Variants in CERS1 observed in about 807,000 individuals in gnomAD.
CERS1 encodes the protein Embryonic growth/differentiation factor 1.
Under a neutral mutation model 35.7 loss-of-function variants are expected in CERS1, and 16 were observed. The ratio of observed to expected loss-of-function variants is 0.45; its 90% confidence interval spans 0.30 to 0.68. CERS1 has a LOEUF of 0.68. CERS1 is among the 30% of genes least tolerant of loss of function. The pLI, the probability that CERS1 is intolerant of heterozygous loss-of-function variation, is 0.08. For synonymous variants in CERS1, 243 were observed against 201.6 expected, an observed-to-expected ratio of 1.21 and a Z score of -1.74; for missense variants, 454 against 453.9, an observed-to-expected ratio of 1.00 and a Z score of 0.00.
Position 18,895,749 on chromosome 19 carries a change from C to T in CERS1, c.249+75G>A. The T allele has an allele frequency of 1.2e-6, 1 of 826,854 alleles. No individual in the cohort carries two copies. The highest frequency in any genetic ancestry group is 1.6e-6 in the Non-Finnish European group (1 of 641,670). 51.2% of individuals were successfully genotyped at this position (826,854 alleles called of 1,614,324 possible). ...GCCAGCGCTGGAAGAAAGGAACGCG[C>T]CGGCGGCCCCAGGTCCCCGGTCCCG... On this transcript the variant is annotated intron_variant, in intron 1 of 7. Transcript: ENST00000623882. The surrounding 1 kb of genome is among the most constrained non-coding windows in gnomAD (Gnocchi z 6.4).
At chr19:18,869,855 T>C in intron 7 of CERS1, 128 bp downstream of exon 7, 1 of 883,372 alleles carries the variant, frequency 1.1e-6, no homozygotes. Flanking sequence ...GTGGCCGAAG[T>C]TGCTAGTAGC....
chr19:18,882,756 G>C (rs1242258066), intron 3 of CERS1, among the ~76,000 whole-genome samples: 2 of 151,986 alleles, frequency 1.3e-5, no homozygotes, highest in African/African-American at 4.8e-5. Context: ...GCAGTGGCAT[G>C]ATCTCGGCTC....
In CERS1 at chr19:18,868,746, T is replaced by TGA. The variant is rs1160863716; in HGVS notation, c.*1237_*1238dup. ...GCGGCTCCCGGGGCGGCCGCGTGCA[T>TGA]GAGCGCGCGCAGCACAGCGTGGTTG... is the stretch of plus-strand genomic sequence containing the variant. On this transcript the variant is annotated 3_prime_UTR_variant, in exon 8 of 8. Coordinates refer to ENST00000623882, the MANE Select transcript of CERS1 (RefSeq NM_021267.5). 3.9e-6 allele frequency: 6 copies of TGA among 1,523,558 alleles called. No homozygotes were observed. In the South Asian group the frequency reaches 7.2e-5, roughly 18 times the overall value. 94.4% of individuals were successfully genotyped at this position (1,523,558 alleles called of 1,614,324 possible).
chr19:18,874,486 T>TGCAGGGGCAGTG (rs1212396805), intron 6 of CERS1, among the ~76,000 whole-genome samples: 1 of 152,178 alleles, frequency 6.6e-6, no homozygotes, highest in Non-Finnish European at 1.5e-5. Context: ...TTAGAACTGC[T>TGCAGGGGCAGTG]GCAGGGGCAG....
rs1394561582 is a variant in CERS1 at position 18,868,838 on chromosome 19, G to A, written c.*1147C>T. 1.4e-5 allele frequency: 21 copies of A among 1,452,736 alleles called. No individual in the cohort carries two copies. The highest frequency in any genetic ancestry group is 8.6e-5 in the Admixed American group (4 of 46,640). The allele number at this position is 1,452,736 out of a possible 1,614,324, so 90.0% of individuals were successfully genotyped here. On this transcript the variant is annotated 3_prime_UTR_variant, in exon 8 of 8. Coordinates refer to ENST00000623882, the MANE Select transcript of CERS1 (RefSeq NM_021267.5). Reference sequence around the variant, plus strand: ...CGCGCACTGACCCTGGCAGTAGTTGGCCAGGAAGCCGCGCGGCGCGATGAC... The same window carrying A: ...CGCGCACTGACCCTGGCAGTAGTTGACCAGGAAGCCGCGCGGCGCGATGAC...
At chr19:18,871,013 C>T (rs1359774306) in intron 6 of CERS1, among the ~76,000 whole-genome samples, 1 of 152,174 alleles carries the variant, frequency 6.6e-6, no homozygotes, top group Non-Finnish European at 1.5e-5. Context: ...ACCCACCCCA[C>T]GAAGGCTAGT....
At chr19:18,873,797 C>T (rs543443683) in intron 6 of CERS1, among the ~76,000 whole-genome samples, 14 of 149,250 alleles carry the variant, frequency 9.4e-5, no homozygotes, top group South Asian at 8.5e-4. Flanking sequence ...GCCGAGATCT[C>T]ACCACTGTAC....
intron 2 of CERS1, among the ~76,000 whole-genome samples, chr19:18,888,962 A>G (rs927976954): frequency 1.4e-5 from 2 of 140,046 alleles, no homozygotes; most frequent in Non-Finnish European, 3.0e-5. Context: ...CATGATCTCG[A>G]CTCACTGCAA....
intron 6 of CERS1, among the ~76,000 whole-genome samples, chr19:18,876,770 C>T (rs1380364954): frequency 6.6e-6 from 1 of 152,144 alleles, no homozygotes; most frequent in East Asian, 1.9e-4. Flanking sequence ...CATCCAGCTC[C>T]CCTGACATTA....
At chr19:18,888,830 C>T (rs542391568) in intron 2 of CERS1, among the ~76,000 whole-genome samples, 14 of 149,336 alleles carry the variant, frequency 9.4e-5, no homozygotes, top group African/African-American at 3.4e-4. Context: ...AACTCTGTCT[C>T]AAAAAAACAA....
chr19:18,892,928 C>T (rs965143414), intron 2 of CERS1, among the ~76,000 whole-genome samples: 7 of 151,774 alleles, frequency 4.6e-5, no homozygotes, highest in African/African-American at 1.7e-4. Flanking sequence ...TTTTTCTTTT[C>T]TTTTTTAATA....
rs890182027 is a variant in CERS1, at chr19:18,884,097, A to G, written c.580T>C (p.Tyr194His). 2 of 1,612,722 alleles carry G rather than the reference A, an allele frequency of 1.2e-6. No individual in the cohort carries two copies. The highest frequency in any genetic ancestry group is 2.7e-5 in the African/African-American group (2 of 74,858). ...VVTLILIVSSYAFRYHNVGIL... is the reference protein window; with the variant it reads ...VVTLILIVSSHAFRYHNVGIL... The stretch of plus-strand genomic sequence containing the variant: ...CGATCCTGTCCTTACCGGAAGGCGT[A>G]GGAGGAGACGATGAGGATGAGAGTG... The change falls in exon 3 of 8, where the codon TAC (tyrosine) becomes CAC (histidine). Residue 194 changes from tyrosine (Y) to histidine (H), a missense_variant. Tyr to His is a moderately conservative substitution (Grantham distance 83). Transcript: ENST00000623882.
intron 6 of CERS1, among the ~76,000 whole-genome samples, chr19:18,872,751 G>A (rs1435299403): frequency 2.0e-5 from 3 of 150,580 alleles, no homozygotes. Flanking sequence ...CCTGACCTCA[G>A]GTGATCCACC....
chr19:18,894,350 G>C (rs996993881), intron 1 of CERS1, among the ~76,000 whole-genome samples: 1 of 152,036 alleles, frequency 6.6e-6, no homozygotes, highest in Non-Finnish European at 1.5e-5. Flanking sequence ...CCGGAGCCCA[G>C]AGCACCCAGC....
chr19:18,874,612 G>C (rs900445687), intron 6 of CERS1, among the ~76,000 whole-genome samples: 2 of 152,224 alleles, frequency 1.3e-5, no homozygotes, highest in Non-Finnish European at 2.9e-5. Flanking sequence ...CCCCTGAGAG[G>C]GCAATGGGGA....
chr19:18,871,017 G>A (rs1027062063), intron 6 of CERS1, among the ~76,000 whole-genome samples: 4 of 151,988 alleles, frequency 2.6e-5, no homozygotes, highest in Admixed American at 6.6e-5. Flanking sequence ...ACCCCACGAA[G>A]GCTAGTCCTT....
chr19:18,889,083 G>A (rs1380975385), intron 2 of CERS1, among the ~76,000 whole-genome samples: 1 of 151,540 alleles, frequency 6.6e-6, no homozygotes, highest in Non-Finnish European at 1.5e-5. Flanking sequence ...GTAGAGACAG[G>A]GTTTCACCAT....
intron 2 of CERS1, 100 bp from the exon 3 acceptor site, chr19:18,884,367 T>A: frequency 1.8e-6 from 2 of 1,111,424 alleles, no homozygotes; most frequent in Non-Finnish European, 2.5e-6. Flanking sequence ...GTCCTCCCAG[T>A]ACCCAGGTAA....
rs540900923 is a variant in CERS1, at chr19:18,878,392, C to T, written c.1010+538G>A. 281 of 987,356 alleles carry T rather than the reference C, an allele frequency of 2.8e-4. No homozygotes were observed. The highest frequency in any genetic ancestry group is 4.8e-4 in the Admixed American group (8 of 16,648). The allele number at this position is 987,356 out of a possible 1,614,324, so 61.2% of individuals were successfully genotyped here. On this transcript the variant is annotated intron_variant, in intron 6 of 7. Transcript: ENST00000623882. This position sits in a 1 kb window ranked among gnomAD's most constrained non-coding sequence, Gnocchi z 4.6. ...GCTATCTCCTTCCCCAGGACTCCCA[C>T]CTGGGCTGGACTGAGTCTGAGCTCC...
Sources: gnomAD v4.1 joint callset for allele counts (sites outside exome capture counted in the v4.1 genomes callset) on GRCh38, gnomAD v4.1.1 for gene constraint, Gnocchi (gnomAD v3.1) non-coding constraint, MANE v1.5 for transcripts, NCBI Gene and HGNC (gene_info 2026-07-23, HGNC 2026-07-21) for gene names.